FOXO1: variants seen among roughly 807,000 people sequenced by gnomAD.
FOXO1 encodes the protein forkhead box protein O1.
FOXO1 carries 6 observed loss-of-function variants against 44.1 expected under a neutral mutation model. That is an observed-to-expected ratio of 0.14 (90% CI 0.07 to 0.27). The LOEUF (loss-of-function observed/expected upper bound fraction) is 0.27. Among genes scored for constraint, FOXO1 ranks in the 10% least tolerant of loss-of-function variants. The probability of loss-of-function intolerance (pLI) is 1.00; values close to 1 mark genes in which losing one functional copy is unlikely to be tolerated. For missense variants in FOXO1, 737 were observed against 888.8 expected (o/e 0.83, Z 2.17); for synonymous variants, 380 against 362.7 (o/e 1.05, Z -0.54).
intron 1 of FOXO1, chr13:40,619,955 C>T (rs1267570059): frequency 1.5e-6 from 1 of 678,796 alleles, no homozygotes; most frequent in African/African-American, 1.8e-5. Flanking sequence ...ATAAGATCTA[C>T]TATAAGTAGC....
intron 1 of FOXO1, among the ~76,000 whole-genome samples, chr13:40,607,691 C>T (rs1876062639): frequency 6.6e-6 from 1 of 152,212 alleles, no homozygotes; most frequent in South Asian, 2.1e-4. Context: ...ACCCCATTTG[C>T]CTACTAAAGT....
At position 40,643,359 on chromosome 13, in the gene FOXO1, A is replaced by AG. The variant is rs1419702016; in HGVS notation, c.630+22223_630+22224insC. Among the ~76,000 whole-genome samples the AG allele has an allele frequency of 1.9e-3, 292 of 151,972 alleles. 1 individual carries two copies. Among genetic ancestry groups the AG allele is most frequent in the Middle Eastern group, 3.4e-3 (1 of 294 alleles). The stretch of plus-strand genomic sequence containing the variant: ...TCCGTCTCAAAAAGAAAAAAAAAAA[A>AG]AAAAGAAAAGAAGATACATATGTAT... On this transcript the variant is annotated intron_variant, in intron 1 of 2. Coordinates refer to ENST00000379561, the MANE Select transcript of FOXO1 (RefSeq NM_002015.4).
chr13:40,594,280 G>A (rs1213146661), intron 1 of FOXO1, among the ~76,000 whole-genome samples: 1 of 152,102 alleles, frequency 6.6e-6, no homozygotes, highest in Non-Finnish European at 1.5e-5. Context: ...TGGGGGCAGC[G>A]GGAGCCAAGC....
chr13:40,573,437 C>T (rs1380902533), intron 1 of FOXO1, among the ~76,000 whole-genome samples: 1 of 152,158 alleles, frequency 6.6e-6, no homozygotes, highest in African/African-American at 2.4e-5. Flanking sequence ...GACTTGAGGA[C>T]ATCCCACTAG....
In FOXO1 at chr13:40,556,693, G is replaced by A. The variant is rs1873764994; in HGVS notation, c.*2356C>T. ...GACAGGATTTCAACACACAATGGGG[G>A]CTTGGGAGAGGTATAATTACCCAGA... On this transcript the variant is annotated 3_prime_UTR_variant, in exon 3 of 3. Transcript: ENST00000379561. 6.6e-6 allele frequency: 1 copy of A among 152,198 alleles called. No homozygotes were observed. The highest frequency in any genetic ancestry group is 1.5e-5 in the Non-Finnish European group (1 of 68,018). The allele number at this position is 152,198 out of a possible 1,614,324, so 9.4% of individuals were successfully genotyped here. A position where few individuals can be genotyped will look rare whatever the true frequency, so the allele number is the denominator to read the frequency against.
rs968014778 is a variant in FOXO1, at chr13:40,556,983, T to A, written c.*2066A>T. Reference sequence around the variant, plus strand: ...TTCTAAAACCAGCTATGTCTTGGACTGCCCCAAAATGAGGATGATAGAGTG... The same window carrying A: ...TTCTAAAACCAGCTATGTCTTGGACAGCCCCAAAATGAGGATGATAGAGTG... On this transcript the variant is annotated 3_prime_UTR_variant, in exon 3 of 3. Transcript: ENST00000379561. 18 of 152,216 alleles carry A rather than the reference T, an allele frequency of 1.2e-4. No homozygotes were observed. The highest frequency in any genetic ancestry group is 4.3e-4 in the African/African-American group (18 of 41,450). 9.4% of individuals were successfully genotyped at this position (152,216 alleles called of 1,614,324 possible).
chr13:40,615,614 G>A (rs928178499), intron 1 of FOXO1, among the ~76,000 whole-genome samples: 1 of 152,108 alleles, frequency 6.6e-6, no homozygotes, highest in African/African-American at 2.4e-5. Context: ...CCGGGCATGT[G>A]AGGAGGCTGT....
chr13:40,605,227 T>C (rs1380321685), intron 1 of FOXO1, among the ~76,000 whole-genome samples: 4 of 152,146 alleles, frequency 2.6e-5, no homozygotes, highest in Admixed American at 2.0e-4. Flanking sequence ...CAAATGTTTA[T>C]AGAAGTAAAT....
chr13:40,613,671 G>A, intron 1 of FOXO1, among the ~76,000 whole-genome samples: 1 of 152,176 alleles, frequency 6.6e-6, no homozygotes, highest in East Asian at 1.9e-4. Context: ...GATGATTACG[G>A]CGTCAGCATG....
intron 1 of FOXO1, among the ~76,000 whole-genome samples, chr13:40,570,081 G>C (rs1305657468): frequency 1.3e-5 from 2 of 152,120 alleles, no homozygotes; most frequent in Non-Finnish European, 2.9e-5. Flanking sequence ...GGGAGGCCGA[G>C]GCAGGCAGAT....
chr13:40,597,307 T>C (rs1875618280), intron 1 of FOXO1, among the ~76,000 whole-genome samples: 1 of 152,258 alleles, frequency 6.6e-6, no homozygotes, highest in African/African-American at 2.4e-5. Context: ...TTGCCAGAGA[T>C]GAGTTCCTGG....
At chr13:40,641,815 A>T (rs1877363114) in intron 1 of FOXO1, among the ~76,000 whole-genome samples, 1 of 151,982 alleles carries the variant, frequency 6.6e-6, no homozygotes, top group African/African-American at 2.4e-5. Flanking sequence ...GTAAAACCCT[A>T]TCTCCACTAA....
intron 1 of FOXO1, among the ~76,000 whole-genome samples, chr13:40,607,186 G>A (rs572998520): frequency 2.0e-5 from 3 of 152,172 alleles, no homozygotes; most frequent in Non-Finnish European, 4.4e-5. Flanking sequence ...TGGTACAGAA[G>A]GCACAGTGCA....
chr13:40,559,129 C>T, intron 2 of FOXO1, 95 bp from the exon 3 acceptor site: 2 of 403,238 alleles, frequency 5.0e-6, no homozygotes, highest in Non-Finnish European at 4.4e-6. Flanking sequence ...TTAAGAGTGA[C>T]AGACATACTT....
chr13:40,597,912 C>T (rs1380294709), intron 1 of FOXO1, among the ~76,000 whole-genome samples: 1 of 152,122 alleles, frequency 6.6e-6, no homozygotes, highest in Non-Finnish European at 1.5e-5. Context: ...GCCCAGGAGC[C>T]GGCAGGCAGA....
intron 1 of FOXO1, among the ~76,000 whole-genome samples, chr13:40,626,168 C>T (rs1474812815): frequency 2.0e-5 from 3 of 152,142 alleles, no homozygotes; most frequent in Non-Finnish European, 2.9e-5. Flanking sequence ...TAATATATGA[C>T]ATATTCTATT....
chr13:40,631,481 A>C (rs1255610985), intron 1 of FOXO1, among the ~76,000 whole-genome samples: 1 of 152,216 alleles, frequency 6.6e-6, no homozygotes, highest in Non-Finnish European at 1.5e-5. Flanking sequence ...AAAATTAAGA[A>C]CATTTTTGCT....
Position 40,566,658 on chromosome 13 carries a change from C to T in FOXO1, c.631-5798G>A, listed in dbSNP as rs569375976. ...CTCCACAAAGCGCTGGGATTACAGGCGTGAGCCACTGCGCCTGGCCTACTT... is the reference window on the plus strand; with the variant it reads ...CTCCACAAAGCGCTGGGATTACAGGTGTGAGCCACTGCGCCTGGCCTACTT... On this transcript the variant is annotated intron_variant, in intron 1 of 2. Transcript: ENST00000379561. Among the ~76,000 whole-genome samples the T allele has an allele frequency of 4.6e-5, 7 of 152,208 alleles. No homozygotes were observed. The South Asian group carries it at 1.5e-3, about 32-fold the overall frequency.
chr13:40,640,807 G>C, intron 1 of FOXO1, among the ~76,000 whole-genome samples: 1 of 149,326 alleles, frequency 6.7e-6, no homozygotes, highest in Non-Finnish European at 1.5e-5. Flanking sequence ...GTTTGAGACA[G>C]AGTTTTTGCT....
Sources: gnomAD v4.1 joint callset for allele counts (sites outside exome capture counted in the v4.1 genomes callset) on GRCh38, gnomAD v4.1.1 for gene constraint, MANE v1.5 for transcripts, NCBI Gene and HGNC (gene_info 2026-07-23, HGNC 2026-07-21) for gene names.